Variants in FARP1 observed in about 807,000 individuals in gnomAD.
FARP1 encodes the protein FERM, ARH/RhoGEF and pleckstrin domain protein 1, also known as FERM, ARHGEF and pleckstrin domain-containing protein 1.
Under a neutral mutation model 128.8 loss-of-function variants are expected in FARP1, and 52 were observed. The observed-to-expected ratio is 0.40, with a 90% CI of 0.32 to 0.51. The LOEUF (loss-of-function observed/expected upper bound fraction) is 0.51. FARP1 is among the 20% of genes least tolerant of loss of function. FARP1 has a pLI of 0.45. For synonymous variants in FARP1, 580 were observed against 551.8 expected (o/e 1.05, Z -0.72); for missense variants, 1,333 against 1,367.9 (o/e 0.97, Z 0.40).
rs763954469 is a variant in FARP1 at position 98,385,691 on chromosome 13, T to C, written c.636T>C (p.Asp212=). The change falls in exon 8 of 27, where the codon GAT becomes GAC. Residue 212 remains aspartate, a synonymous_variant. Coordinates refer to ENST00000319562, the MANE Select transcript of FARP1 (RefSeq NM_005766.4). ...GTGGACAAACACCAGCAGAATCAGA[T>C]TTCCAGCTCCTAGAGATTGCCCGTC... is the stretch of plus-strand genomic sequence containing the variant. ...NHIGQTPAES[D]FQLLEIARRL... is the part of the protein sequence containing the mutation. 2 of 1,614,230 alleles carry C rather than the reference T, an allele frequency of 1.2e-6. No homozygotes were observed. Among genetic ancestry groups the C allele is most frequent in the Non-Finnish European group, 1.7e-6 (2 of 1,180,034 alleles).
In FARP1 at chr13:98,454,704, G is replaced by A. The variant is rs1460170117; in HGVS notation, c.*6387G>A. ...GAAACAACATGTTTGGAGCAAAACTGGCAGGAAGTCTAAGCCATGGCCACC... is the reference window on the plus strand; with the variant it reads ...GAAACAACATGTTTGGAGCAAAACTAGCAGGAAGTCTAAGCCATGGCCACC... On this transcript the variant is annotated 3_prime_UTR_variant, in exon 27 of 27. Transcript: ENST00000319562. 1 of 152,194 alleles carries A rather than the reference G, an allele frequency of 6.6e-6. No homozygotes were observed. Among genetic ancestry groups the A allele is most frequent in the Non-Finnish European group, 1.5e-5 (1 of 68,046 alleles). 9.4% of individuals were successfully genotyped at this position (152,194 alleles called of 1,614,324 possible).
intron 2 of FARP1, among the ~76,000 whole-genome samples, chr13:98,327,246 T>G (rs1193824714): frequency 6.6e-6 from 1 of 152,246 alleles, no homozygotes; most frequent in Non-Finnish European, 1.5e-5. Context: ...GTGCTGGTAT[T>G]AGGTCACTGT....
At chr13:98,361,204 CAGAT>C (rs1417615121) in intron 3 of FARP1, among the ~76,000 whole-genome samples, 1 of 152,188 alleles carries the variant, frequency 6.6e-6, no homozygotes, top group Non-Finnish European at 1.5e-5. Context: ...CGCTGGGAAA[CAGAT>C]AGGTCCTCAC....
chr13:98,396,623 T>C, intron 13 of FARP1: 1 of 398,028 alleles, frequency 2.5e-6, no homozygotes, highest in Non-Finnish European at 4.4e-6. Flanking sequence ...GACAGGCACA[T>C]GTTTGAAAGA....
At chr13:98,310,817 C>T (rs1370522144) in intron 2 of FARP1, among the ~76,000 whole-genome samples, 1 of 152,162 alleles carries the variant, frequency 6.6e-6, no homozygotes, top group Non-Finnish European at 1.5e-5. Flanking sequence ...CTTAAGTTTC[C>T]TGTTGGAGAT....
At chr13:98,300,053 A>G (rs1418080960) in intron 2 of FARP1, among the ~76,000 whole-genome samples, 1 of 152,198 alleles carries the variant, frequency 6.6e-6, no homozygotes, top group Non-Finnish European at 1.5e-5. Context: ...ATGTTTAAAG[A>G]ATTTATTAAA....
intron 1 of FARP1, among the ~76,000 whole-genome samples, chr13:98,205,464 C>T (rs1428471963): frequency 6.6e-6 from 1 of 151,490 alleles, no homozygotes; most frequent in African/African-American, 2.4e-5. Flanking sequence ...GTGATCTCGG[C>T]TCACTGCAAG....
intron 1 of FARP1, among the ~76,000 whole-genome samples, chr13:98,171,912 A>G (rs1376028578): frequency 6.6e-6 from 1 of 151,318 alleles, no homozygotes; most frequent in Admixed American, 6.6e-5. Flanking sequence ...TCTCTATCTC[A>G]TTTTCTTCCC....
At chr13:98,243,537 TAA>T (rs201143596) in intron 2 of FARP1, among the ~76,000 whole-genome samples, 7 of 144,864 alleles carry the variant, frequency 4.8e-5, no homozygotes, top group Non-Finnish European at 9.1e-5. Context: ...CTACTAAAAA[TAA>T]AAAAAAAAAT....
chr13:98,386,689 C>T (rs661787), intron 8 of FARP1, among the ~76,000 whole-genome samples: 34,887 of 151,966 alleles, frequency 0.23, 4,413 homozygotes, highest in African/African-American at 0.34. Flanking sequence ...AGAAAGCACC[C>T]GCCTTTCTCA....
At chr13:98,327,811 G>A (rs1887299551) in intron 2 of FARP1, among the ~76,000 whole-genome samples, 1 of 152,200 alleles carries the variant, frequency 6.6e-6, no homozygotes, top group African/African-American at 2.4e-5. Flanking sequence ...AGCCTGCAAA[G>A]CGGGCATTCT....
chr13:98,218,738 A>G (rs1881246687), intron 2 of FARP1, among the ~76,000 whole-genome samples: 1 of 152,208 alleles, frequency 6.6e-6, no homozygotes, highest in African/African-American at 2.4e-5. Flanking sequence ...GGCTGTTTTC[A>G]TAAAACTCAC....
At chr13:98,212,300 C>T (rs1355701275) in intron 1 of FARP1, among the ~76,000 whole-genome samples, 1 of 152,186 alleles carries the variant, frequency 6.6e-6, no homozygotes, top group African/African-American at 2.4e-5. Context: ...AGGTGATTCA[C>T]CCACCTTGGC....
chr13:98,333,816 G>C (rs1887623251), intron 2 of FARP1: 1 of 152,000 alleles, frequency 6.6e-6, no homozygotes, highest in South Asian at 2.1e-4. Context: ...TGAAAGCCTT[G>C]TTCCAGCTCC....
chr13:98,191,299 C>T, intron 1 of FARP1, among the ~76,000 whole-genome samples: 1 of 152,192 alleles, frequency 6.6e-6, no homozygotes, highest in South Asian at 2.1e-4. Context: ...GTGAAACGAG[C>T]ACTGGGGATG....
At chr13:98,183,250 T>C (rs1211580223) in intron 1 of FARP1, among the ~76,000 whole-genome samples, 1 of 152,230 alleles carries the variant, frequency 6.6e-6, no homozygotes, top group Admixed American at 6.5e-5. Context: ...TATGTTTTAC[T>C]GTAGTTGTGT....
intron 2 of FARP1, among the ~76,000 whole-genome samples, chr13:98,250,373 G>C (rs1180330539): frequency 1.3e-5 from 2 of 152,088 alleles, no homozygotes; most frequent in Non-Finnish European, 2.9e-5. Context: ...TTTAAATTGT[G>C]AAATATGGCA....
At chr13:98,207,065 T>C (rs1224885543) in intron 1 of FARP1, among the ~76,000 whole-genome samples, 1 of 152,208 alleles carries the variant, frequency 6.6e-6, no homozygotes, top group Non-Finnish European at 1.5e-5. Context: ...TGGTTACCCA[T>C]TTATGACTTG....
At chr13:98,416,056 A>G (rs1190939014) in intron 16 of FARP1, among the ~76,000 whole-genome samples, 2 of 152,246 alleles carry the variant, frequency 1.3e-5, no homozygotes, top group African/African-American at 4.8e-5. Flanking sequence ...TTAAAAATTA[A>G]CTTTTTATTT....
Sources: allele counts gnomAD v4.1 joint callset (sites outside exome capture counted in the v4.1 genomes callset), GRCh38; gene constraint gnomAD v4.1.1; transcripts MANE v1.5; gene names NCBI Gene and HGNC (gene_info 2026-07-23, HGNC 2026-07-21).